The following TMEM108 variants were observed in gnomAD, a reference collection of about 807,000 sequenced individuals.
TMEM108 encodes transmembrane protein 108, also known as cancer/testis antigen 124.
A neutral mutation model predicts 35.1 loss-of-function variants in TMEM108; 12 were observed. The ratio of observed to expected loss-of-function variants is 0.34; its 90% confidence interval spans 0.22 to 0.55. The LOEUF (loss-of-function observed/expected upper bound fraction) is 0.55. TMEM108 is among the 20% of genes least tolerant of loss of function. The pLI, the probability that TMEM108 is intolerant of heterozygous loss-of-function variation, is 0.89. For synonymous variants in TMEM108, 287 were observed against 308.6 expected, an observed-to-expected ratio of 0.93 and a Z score of 0.73; for missense variants, 680 against 753.3, an observed-to-expected ratio of 0.90 and a Z score of 1.14.
chr3:133,225,530 G>A (rs1367665403), intron 2 of TMEM108, among the ~76,000 whole-genome samples: 1 of 152,048 alleles, frequency 6.6e-6, no homozygotes, highest in African/African-American at 2.4e-5. Context: ...AGAGCAATAC[G>A]TTTTGGAATA....
At chr3:133,206,174 T>G (rs1047508761) in intron 2 of TMEM108, among the ~76,000 whole-genome samples, 1 of 152,232 alleles carries the variant, frequency 6.6e-6, no homozygotes, top group African/African-American at 2.4e-5. Context: ...TTCTCTAAAC[T>G]GGTTATTCCA....
chr3:133,386,663 C>T, intron 4 of TMEM108: 4 of 1,412,884 alleles, frequency 2.8e-6, no homozygotes, highest in South Asian at 1.7e-5. Context: ...TCAGGAGAAA[C>T]AGAGCAGTTG....
intron 3 of TMEM108, among the ~76,000 whole-genome samples, chr3:133,262,557 A>G (rs766952): frequency 0.32 from 48,798 of 152,204 alleles, 8,548 homozygotes; most frequent in East Asian, 0.48. Context: ...TTTTATCTTC[A>G]CTGCTTTGGG....
intron 2 of TMEM108, among the ~76,000 whole-genome samples, chr3:133,189,071 CTG>C (rs1945462399): frequency 6.6e-6 from 1 of 152,190 alleles, no homozygotes; most frequent in African/African-American, 2.4e-5. Context: ...TAGTTTAGCT[CTG>C]TGACCTGAAG....
At chr3:133,205,721 GC>G in intron 2 of TMEM108, among the ~76,000 whole-genome samples, 1 of 152,230 alleles carries the variant, frequency 6.6e-6, no homozygotes, top group African/African-American at 2.4e-5. Flanking sequence ...CTTTCTGGCT[GC>G]CCTTCACATT....
intron 2 of TMEM108, among the ~76,000 whole-genome samples, chr3:133,226,781 G>A (rs894845617): frequency 6.6e-6 from 1 of 152,190 alleles, no homozygotes; most frequent in Non-Finnish European, 1.5e-5. Context: ...TACTGGAAGT[G>A]TATTAGTTTG....
At chr3:133,379,235 G>A (rs1371750017) in intron 3 of TMEM108, among the ~76,000 whole-genome samples, 2 of 152,214 alleles carry the variant, frequency 1.3e-5, no homozygotes, top group East Asian at 1.9e-4. Flanking sequence ...CCTTTGTGTA[G>A]TTTATAAATG....
At chr3:133,138,444 T>G (rs1481257438) in intron 2 of TMEM108, among the ~76,000 whole-genome samples, 1 of 152,146 alleles carries the variant, frequency 6.6e-6, no homozygotes, top group African/African-American at 2.4e-5. Context: ...AGGACAGCTT[T>G]GAATGTGGCC....
chr3:133,178,513 C>T (rs1945275398), intron 2 of TMEM108, among the ~76,000 whole-genome samples: 1 of 151,868 alleles, frequency 6.6e-6, no homozygotes, highest in African/African-American at 2.4e-5. Context: ...CGCATATCTA[C>T]AACCATCTGA....
chr3:133,137,126 A>G (rs1039111400), intron 2 of TMEM108, among the ~76,000 whole-genome samples: 2 of 152,216 alleles, frequency 1.3e-5, no homozygotes, highest in African/African-American at 4.8e-5. Context: ...GGTTGGCATC[A>G]GTAAGGCAGA....
At chr3:133,393,988 T>C (rs1313986561) in intron 5 of TMEM108, among the ~76,000 whole-genome samples, 1 of 152,232 alleles carries the variant, frequency 6.6e-6, no homozygotes, top group Non-Finnish European at 1.5e-5. Flanking sequence ...CAGCTTGGCT[T>C]CAGAGTGGAT....
At chr3:133,334,023 A>G (rs148046285) in intron 3 of TMEM108, among the ~76,000 whole-genome samples, 328 of 152,350 alleles carry the variant, frequency 2.2e-3, no homozygotes, top group African/African-American at 7.6e-3. Context: ...ATCATAGAAT[A>G]TTAACTTTAG....
At chr3:133,184,301 T>C (rs1422181215) in intron 2 of TMEM108, among the ~76,000 whole-genome samples, 1 of 152,234 alleles carries the variant, frequency 6.6e-6, no homozygotes, top group Non-Finnish European at 1.5e-5. Context: ...TTAAATTTAA[T>C]TTAATGTAAA....
chr3:133,309,761 C>G (rs1255763027), intron 3 of TMEM108, among the ~76,000 whole-genome samples: 1 of 120,544 alleles, frequency 8.3e-6, no homozygotes, highest in Admixed American at 1.1e-4. Context: ...AGTGCAGTGG[C>G]GGGATCTCGG....
chr3:133,313,906 T>C (rs770307798), intron 3 of TMEM108, among the ~76,000 whole-genome samples: 9 of 152,100 alleles, frequency 5.9e-5, no homozygotes, highest in Admixed American at 3.9e-4. Context: ...AAGACCTTTT[T>C]AATGTGAATT....
chr3:133,096,563 G>T (rs1288327519), intron 2 of TMEM108, among the ~76,000 whole-genome samples: 2 of 152,098 alleles, frequency 1.3e-5, no homozygotes, highest in African/African-American at 2.4e-5. Context: ...TATGCTGAAT[G>T]GCCTCACCTC....
At chr3:133,373,405 GATA>G (rs2072740243) in intron 3 of TMEM108, among the ~76,000 whole-genome samples, 1 of 132,478 alleles carries the variant, frequency 7.5e-6, no homozygotes, top group Non-Finnish European at 1.7e-5. Context: ...TAGATAGATA[GATA>G]GATAGATAGA....
intron 3 of TMEM108, among the ~76,000 whole-genome samples, chr3:133,307,836 T>C (rs964859655): frequency 3.3e-5 from 5 of 152,160 alleles, no homozygotes; most frequent in African/African-American, 1.2e-4. Context: ...TAGGATTGTC[T>C]TGGCGGGCCC....
chr3:133,162,616 C>T (rs375608940), intron 2 of TMEM108, among the ~76,000 whole-genome samples: 44 of 152,300 alleles, frequency 2.9e-4, no homozygotes, highest in East Asian at 1.9e-3. Flanking sequence ...ATTTGCAAGA[C>T]AGATCTTTAA....
Sources: gnomAD v4.1 joint callset for allele counts (sites outside exome capture counted in the v4.1 genomes callset) on GRCh38, gnomAD v4.1.1 for gene constraint, MANE v1.5 for transcripts, NCBI Gene and HGNC (gene_info 2026-07-23, HGNC 2026-07-21) for gene names.